CORO2B: variants seen among roughly 807,000 people sequenced by gnomAD.
CORO2B encodes the protein coronin-2B.
A neutral mutation model predicts 58.8 loss-of-function variants in CORO2B; 26 were observed. The observed-to-expected ratio is 0.44, with a 90% confidence interval of 0.32 to 0.61. The LOEUF is 0.61. Among genes scored for constraint, CORO2B ranks in the 20% least tolerant of loss-of-function variants. CORO2B has a pLI of 0.04. For missense variants in CORO2B, 460 were observed against 645.1 expected, an observed-to-expected ratio of 0.71 and a Z score of 3.11; for synonymous variants, 242 against 253.8, an observed-to-expected ratio of 0.95 and a Z score of 0.44.
chr15:68,565,124 AT>A, the CORO2B span, among the ~76,000 whole-genome samples: 1 of 152,202 alleles, frequency 6.6e-6, no homozygotes, highest in Non-Finnish European at 1.5e-5. Flanking sequence ...ATAGACAAAT[AT>A]TGCTTTACTG....
In CORO2B at chr15:68,727,651, CG is replaced by C. The variant is rs1893336564; in HGVS notation, c.*1678del. The C allele has an allele frequency of 6.5e-6, 1 of 152,716 alleles. No individual in the cohort carries two copies. Among genetic ancestry groups the C allele is most frequent in the South Asian group, 2.1e-4 (1 of 4,836 alleles). The allele number at this position is 152,716 out of a possible 1,614,324, so 9.5% of individuals were successfully genotyped here. ...CAGCTACAGTAGGGCCTCCTCACCC[CG>C]TACCCCACAGCTAGACAGTGTCAGC... On this transcript the variant is annotated 3_prime_UTR_variant, in exon 12 of 12. Coordinates refer to ENST00000261861, the MANE Select transcript of CORO2B (RefSeq NM_006091.5).
chr15:68,672,038 G>A (rs1043552767), intron 2 of CORO2B, among the ~76,000 whole-genome samples: 7 of 152,116 alleles, frequency 4.6e-5, no homozygotes, highest in South Asian at 4.1e-4. Context: ...GCATGATGGG[G>A]CCCACAGGAA....
rs1451976662 is a variant in CORO2B at position 68,711,719 on chromosome 15, A to G, written c.648+13A>G. On this transcript the variant is annotated intron_variant, in intron 5 of 11. Transcript: ENST00000261861. ...CCGTGTTCTGCAGGTGGAACCCTAC[A>G]TTTTTTGAGATTGAAGGGGAAGGTA... 1.9e-6 allele frequency: 3 copies of G among 1,613,470 alleles called. No individual in the cohort carries two copies. Among genetic ancestry groups the G allele is most frequent in the Non-Finnish European group, 2.5e-6 (3 of 1,179,812 alleles).
chr15:68,702,849 CAG>C (rs1892688591), intron 3 of CORO2B, among the ~76,000 whole-genome samples: 1 of 96,690 alleles, frequency 1.0e-5, no homozygotes, highest in Non-Finnish European at 1.9e-5. Context: ...TTTTTTGAGA[CAG>C]AGTCTCACTT....
intron 3 of CORO2B, among the ~76,000 whole-genome samples, chr15:68,703,029 G>A (rs1420106345): frequency 6.6e-6 from 1 of 150,994 alleles, no homozygotes. Context: ...GTTTCACCAT[G>A]TTGGCCAGGC....
At chr15:68,579,478 T>A (rs1399572515) in intron 1 of CORO2B, among the ~76,000 whole-genome samples, 2 of 151,910 alleles carry the variant, frequency 1.3e-5, no homozygotes, top group Non-Finnish European at 2.9e-5. Flanking sequence ...GATGCCGCTC[T>A]GGCAGCCCCG....
chr15:68,528,153 T>C, the CORO2B span, among the ~76,000 whole-genome samples: 1 of 152,176 alleles, frequency 6.6e-6, no homozygotes, highest in African/African-American at 2.4e-5. Context: ...TTTCACTGGA[T>C]AGGATCTTTA....
intron 2 of CORO2B, among the ~76,000 whole-genome samples, chr15:68,660,424 G>A (rs1348673977): frequency 1.3e-5 from 2 of 152,152 alleles, no homozygotes; most frequent in Admixed American, 1.3e-4. Flanking sequence ...TGGCTGGAGT[G>A]CAGTGGCATG....
rs191677335 is a variant in CORO2B, at chr15:68,659,393, A to G, written c.216+14033A>G. Among the ~76,000 whole-genome samples the G allele has an allele frequency of 3.3e-5, 5 of 152,286 alleles. No homozygotes were observed. The East Asian group carries it at 9.6e-4, about 29-fold the overall frequency. ...TTATATGTGTATATACTAAATTCTC[A>G]CAATAAGTCAGCTAGAGAAAATGTT... On this transcript the variant is annotated intron_variant, in intron 2 of 11. Coordinates refer to ENST00000261861, the MANE Select transcript of CORO2B (RefSeq NM_006091.5).
chr15:68,597,965 G>T (rs899264397), intron 1 of CORO2B, among the ~76,000 whole-genome samples: 8 of 152,198 alleles, frequency 5.3e-5, no homozygotes, highest in African/African-American at 1.9e-4. Flanking sequence ...AGTCTGTGGG[G>T]GTGGGTATGA....
chr15:68,653,161 C>T (rs1901695293), intron 2 of CORO2B, among the ~76,000 whole-genome samples: 1 of 152,122 alleles, frequency 6.6e-6, no homozygotes, highest in Non-Finnish European at 1.5e-5. Context: ...GCGGTCCAGA[C>T]AAGATAGCAT....
intron 11 of CORO2B, among the ~76,000 whole-genome samples, chr15:68,721,725 A>C (rs1893165294): frequency 7.1e-6 from 1 of 139,954 alleles, no homozygotes; most frequent in Non-Finnish European, 1.5e-5. Context: ...TCATTTAAAA[A>C]ATTTTTAAGT....
At chr15:68,533,029 CT>C in the CORO2B span, among the ~76,000 whole-genome samples, 1 of 152,200 alleles carries the variant, frequency 6.6e-6, no homozygotes, top group Non-Finnish European at 1.5e-5. Context: ...TCCTTTTGCA[CT>C]TTTTAGAACT....
chr15:68,571,938 G>A, the CORO2B span, among the ~76,000 whole-genome samples: 4 of 152,208 alleles, frequency 2.6e-5, no homozygotes, highest in Admixed American at 6.5e-5. Context: ...GTGGTGGTGG[G>A]GTCCCCACTG....
At chr15:68,592,701 T>C (rs533774541) in intron 1 of CORO2B, among the ~76,000 whole-genome samples, 20 of 152,314 alleles carry the variant, frequency 1.3e-4, no homozygotes, top group Admixed American at 3.3e-4. Flanking sequence ...AGCCCAGGCA[T>C]ACAGAGATGG....
At chr15:68,531,510 AG>A in the CORO2B span, among the ~76,000 whole-genome samples, 1 of 5,646 alleles carries the variant, frequency 1.8e-4, no homozygotes, top group Admixed American at 1.7e-3. Context: ...AAAGGAAGGA[AG>A]GAAGGAAGGA....
chr15:68,529,771 A>T, the CORO2B span, among the ~76,000 whole-genome samples: 4 of 152,248 alleles, frequency 2.6e-5, no homozygotes, highest in South Asian at 8.3e-4. Flanking sequence ...TTTCCATTCT[A>T]ATATGAGCAT....
chr15:68,678,827 C>G (rs1052344648), intron 2 of CORO2B, among the ~76,000 whole-genome samples: 5 of 152,216 alleles, frequency 3.3e-5, no homozygotes, highest in African/African-American at 1.2e-4. Context: ...GCCTTCATTG[C>G]CGGTCCTCCA....
At chr15:68,604,919 A>G (rs1456246945) in intron 1 of CORO2B, among the ~76,000 whole-genome samples, 2 of 151,994 alleles carry the variant, frequency 1.3e-5, no homozygotes, top group African/African-American at 2.4e-5. Context: ...TTCAAGACCA[A>G]TCTGGCCAAC....
Sources: allele counts gnomAD v4.1 joint callset (sites outside exome capture counted in the v4.1 genomes callset), GRCh38; gene constraint gnomAD v4.1.1; transcripts MANE v1.5; gene names NCBI Gene and HGNC (gene_info 2026-07-23, HGNC 2026-07-21).